The following TNFAIP3 variants were observed in gnomAD, a reference collection of about 807,000 sequenced individuals.
The protein encoded by TNFAIP3 is tumor necrosis factor alpha-induced protein 3.
TNFAIP3 carries 9 observed loss-of-function variants against 72.4 expected under a neutral mutation model. The observed-to-expected ratio is 0.12, with a 90% CI of 0.07 to 0.22. The LOEUF is 0.22. Ranked by LOEUF, TNFAIP3 falls within the 10% of genes least tolerant of loss-of-function variation. The pLI, the probability that TNFAIP3 is intolerant of heterozygous loss-of-function variation, is 1.00. For synonymous variants in TNFAIP3, 339 were observed against 372.6 expected, an observed-to-expected ratio of 0.91 and a Z score of 1.04; for missense variants, 833 against 1,018.7, an observed-to-expected ratio of 0.82 and a Z score of 2.48.
Position 137,880,286 on chromosome 6 carries a change from G to T in TNFAIP3, c.2088+34G>T, listed in dbSNP as rs1216187053. 2 of 1,610,790 alleles carry T rather than the reference G, an allele frequency of 1.2e-6. 1 individual carries two copies. Among genetic ancestry groups the T allele is most frequent in the Admixed American group, 3.3e-5 (2 of 59,936 alleles). On this transcript the variant is annotated intron_variant, in intron 8 of 8. Transcript: ENST00000612899. ...CTTGGAGGAGCTTTCCCTCCCTCCCGTGTGTTCGATGCTTTTTGCTGGAGC... is the reference window on the plus strand; with the variant it reads ...CTTGGAGGAGCTTTCCCTCCCTCCCTTGTGTTCGATGCTTTTTGCTGGAGC...
At position 137,881,363 on chromosome 6, in the gene TNFAIP3, G is replaced by A. The variant is rs1776457292; in HGVS notation, c.*44G>A. 6.6e-7 allele frequency: 1 copy of A among 1,507,810 alleles called. No individual in the cohort carries two copies. The highest frequency in any genetic ancestry group is 8.9e-7 in the Non-Finnish European group (1 of 1,123,042). 93.4% of individuals were successfully genotyped at this position (1,507,810 alleles called of 1,614,324 possible). A position where few individuals can be genotyped will look rare whatever the true frequency, so the allele number is the denominator to read the frequency against. ...CCTCCTGCAAGAAGTGGGGCCTCGA[G>A]CTGTCAGTCATCATGGTGCTATCCT... On this transcript the variant is annotated 3_prime_UTR_variant, in exon 9 of 9. Transcript: ENST00000612899. This position sits in a 1 kb window ranked among gnomAD's most constrained non-coding sequence, Gnocchi z 5.0.
In TNFAIP3 at chr6:137,880,261, C is replaced by T. The variant is rs758605580; in HGVS notation, c.2088+9C>T. Reference sequence around the variant, plus strand: ...GGACAGAAGAGCAACTGGTGAGACACTTGGAGGAGCTTTCCCTCCCTCCCG... The same window carrying T: ...GGACAGAAGAGCAACTGGTGAGACATTTGGAGGAGCTTTCCCTCCCTCCCG... On this transcript the variant is annotated intron_variant, in intron 8 of 8. Coordinates refer to ENST00000612899, the MANE Select transcript of TNFAIP3 (RefSeq NM_001270508.2). The T allele has an allele frequency of 1.2e-6, 2 of 1,613,924 alleles. No individual in the cohort carries two copies. The highest frequency in any genetic ancestry group is 1.1e-5 in the South Asian group (1 of 91,078).
intron 7 of TNFAIP3, among the ~76,000 whole-genome samples, chr6:137,879,752 T>C (rs1460904649): frequency 1.3e-5 from 2 of 152,222 alleles, no homozygotes; most frequent in Non-Finnish European, 2.9e-5. Flanking sequence ...CTGTTGACAC[T>C]GTAAGGAAAC....
Position 137,878,987 on chromosome 6 carries a change from G to A in TNFAIP3, c.1542G>A (p.Arg514=), listed in dbSNP as rs1433186763. Residue 514 remains arginine (R), a synonymous_variant, in exon 7 of 9, where the codon AGG becomes AGA. Coordinates refer to ENST00000612899, the MANE Select transcript of TNFAIP3 (RefSeq NM_001270508.2). ...LHASHAPDHT[R]HLDPGKCQAC... ...CCAGCCACGCCCCAGACCACACAAG[G>A]CACTTGGATCCCGGGAAGTGCCAAG... 6.8e-6 allele frequency: 11 copies of A among 1,614,198 alleles called. No individual in the cohort carries two copies. Among genetic ancestry groups the A allele is most frequent in the Non-Finnish European group, 9.3e-6 (11 of 1,180,038 alleles).
At chr6:137,874,340 G>T (rs1037957782) in intron 2 of TNFAIP3, among the ~76,000 whole-genome samples, 7 of 152,196 alleles carry the variant, frequency 4.6e-5, no homozygotes, top group Non-Finnish European at 8.8e-5. Flanking sequence ...ATTTGCCATT[G>T]AGTCATAGCC....
chr6:137,880,515 C>T (rs1776414178), intron 8 of TNFAIP3, among the ~76,000 whole-genome samples: 2 of 152,220 alleles, frequency 1.3e-5, no homozygotes, highest in South Asian at 4.1e-4. Context: ...CATAAAACTT[C>T]TTCAAGCCTC....
chr6:137,868,593 A>G lies in TNFAIP3; in HGVS notation c.-16+1051A>G, dbSNP rs5029927. ...CAAAAATGTCTGCCCAGAGTGGAAAAATAAAACAAGGGGGAGAAGAGTTTG... is the reference window on the plus strand; with the variant it reads ...CAAAAATGTCTGCCCAGAGTGGAAAGATAAAACAAGGGGGAGAAGAGTTTG... On this transcript the variant is annotated intron_variant, in intron 1 of 8. Coordinates refer to ENST00000612899, the MANE Select transcript of TNFAIP3 (RefSeq NM_001270508.2). Among the ~76,000 whole-genome samples the G allele has an allele frequency of 6.6e-3, 1,008 of 152,280 alleles. 12 individuals carry two copies. Among genetic ancestry groups the G allele is most frequent in the African/African-American group, 0.022 (928 of 41,550 alleles).
chr6:137,876,227 T>G, intron 5 of TNFAIP3, 61 bp downstream of exon 5: 1 of 1,422,466 alleles, frequency 7.0e-7, no homozygotes, highest in Non-Finnish European at 9.7e-7. Flanking sequence ...GGTTTTCCTT[T>G]TTGCTTCTTA....
rs376205580 is a variant in TNFAIP3, at chr6:137,874,871, A to G, written c.322A>G (p.Thr108Ala). Reference protein sequence around the residue: ...NGDGNCLMHATSQYMWGVQDT... With the variant: ...NGDGNCLMHAASQYMWGVQDT... The stretch of plus-strand genomic sequence containing the variant: ...TGACGGCAATTGCCTCATGCATGCC[A>G]CTTCTCAGTACATGTGGGGCGTTCA... Residue 108 changes from threonine to alanine, a missense_variant, in exon 3 of 9, where the codon ACT (threonine) becomes GCT (alanine). Physicochemically the swap from Thr to Ala is moderately conservative, Grantham distance 58. This residue lies in a region of TNFAIP3 where 246 missense variants were observed against 360.9 expected (regional missense o/e 0.68). Transcript: ENST00000612899. The G allele has an allele frequency of 1.3e-4, 210 of 1,613,970 alleles. 12 individuals carry two copies. The highest frequency in any genetic ancestry group is 5.8e-4 in the Admixed American group (35 of 59,992).
chr6:137,876,676 T>A (rs957566673), intron 5 of TNFAIP3, among the ~76,000 whole-genome samples: 1 of 152,226 alleles, frequency 6.6e-6, no homozygotes, highest in Non-Finnish European at 1.5e-5. Context: ...TGCATTTTTA[T>A]CCTTTTAGCA....
intron 1 of TNFAIP3, among the ~76,000 whole-genome samples, chr6:137,870,525 T>A (rs1324445742): frequency 6.6e-6 from 1 of 152,218 alleles, no homozygotes; most frequent in Admixed American, 6.5e-5. Flanking sequence ...GGAAATGGAC[T>A]TTTTTATTGA....
At position 137,881,971 on chromosome 6, in the gene TNFAIP3, A is replaced by G. The variant is rs1375196179; in HGVS notation, c.*652A>G. The G allele has an allele frequency of 3.5e-5, 8 of 231,614 alleles. No individual in the cohort carries two copies. The highest frequency in any genetic ancestry group is 6.8e-5 in the Non-Finnish European group (8 of 117,072). 14.3% of individuals were successfully genotyped at this position (231,614 alleles called of 1,614,324 possible). A position where few individuals can be genotyped will look rare whatever the true frequency, so the allele number is the denominator to read the frequency against. On this transcript the variant is annotated 3_prime_UTR_variant, in exon 9 of 9. Transcript: ENST00000612899. This position sits in a 1 kb window ranked among gnomAD's most constrained non-coding sequence, Gnocchi z 5.0. ...CTGAACATGTTCACATTGACAGAAAAACAAGCTGCTCTTTATAATATGCAC... is the reference window on the plus strand; with the variant it reads ...CTGAACATGTTCACATTGACAGAAAGACAAGCTGCTCTTTATAATATGCAC...
At chr6:137,872,746 T>A (rs192544860) in intron 2 of TNFAIP3, among the ~76,000 whole-genome samples, 2 of 152,236 alleles carry the variant, frequency 1.3e-5, no homozygotes, top group Admixed American at 1.3e-4. Flanking sequence ...TACTTAGAGG[T>A]AGGTAATTAT....
At position 137,881,288 on chromosome 6, in the gene TNFAIP3, A is replaced by G. The variant is rs1401816938; in HGVS notation, c.2342A>G (p.Glu781Gly). ...GCCAAGTGCAACGGCTACTGCAACG[A>G]ATGCTTTCAGTTCAAGCAGATGTAT... The part of the protein sequence containing the change: ...GNAKCNGYCN[E>G]CFQFKQMYG Residue 781 changes from glutamate (E) to glycine (G), a missense_variant, in exon 9 of 9, where the codon GAA becomes GGA. Physicochemically the swap from Glu to Gly is moderately conservative, Grantham distance 98. Coordinates refer to ENST00000612899, the MANE Select transcript of TNFAIP3 (RefSeq NM_001270508.2). This position sits in a 1 kb window ranked among gnomAD's most constrained non-coding sequence, Gnocchi z 5.0. 6.4e-7 allele frequency: 1 copy of G among 1,564,300 alleles called. No individual in the cohort carries two copies. Among genetic ancestry groups the G allele is most frequent in the Non-Finnish European group, 8.7e-7 (1 of 1,155,412 alleles).
intron 1 of TNFAIP3, among the ~76,000 whole-genome samples, chr6:137,869,605 C>G (rs957324488): frequency 6.6e-6 from 1 of 152,154 alleles, no homozygotes; most frequent in Non-Finnish European, 1.5e-5. Flanking sequence ...CACCAGAAAA[C>G]TCCTCAGGAG....
chr6:137,874,136 G>A (rs1328534736), intron 2 of TNFAIP3, among the ~76,000 whole-genome samples: 3 of 152,130 alleles, frequency 2.0e-5, no homozygotes, highest in African/African-American at 4.8e-5. Context: ...CCTAAACACT[G>A]AATTATTTTC....
At chr6:137,870,344 A>G (rs560469107) in intron 1 of TNFAIP3, among the ~76,000 whole-genome samples, 19 of 152,142 alleles carry the variant, frequency 1.2e-4, no homozygotes, top group Non-Finnish European at 1.5e-4. Flanking sequence ...GCTAGTCTCA[A>G]ACTCCTGAGC....
At position 137,878,528 on chromosome 6, in the gene TNFAIP3, G is replaced by T. The variant is rs1232874267; in HGVS notation, c.1083G>T (p.Glu361Asp). Residue 361 changes from glutamate (E) to aspartate (D), a missense_variant, in exon 7 of 9, where the codon GAG (glutamate) becomes GAT (aspartate). Transcript: ENST00000612899. ...HEYKKWQENS[E>D]QGRREGHAQN... is the part of the protein sequence containing the mutation. Reference sequence around the variant, plus strand: ...ACAAGAAATGGCAGGAAAACAGCGAGCAGGGGAGGAGAGAGGGGCACGCCC... The same window carrying T: ...ACAAGAAATGGCAGGAAAACAGCGATCAGGGGAGGAGAGAGGGGCACGCCC... The T allele has an allele frequency of 6.8e-6, 11 of 1,614,124 alleles. No individual in the cohort carries two copies. Among genetic ancestry groups the T allele is most frequent in the Non-Finnish European group, 9.3e-6 (11 of 1,180,046 alleles).
chr6:137,873,544 A>C (rs1776131219), intron 2 of TNFAIP3, among the ~76,000 whole-genome samples: 1 of 152,246 alleles, frequency 6.6e-6, no homozygotes, highest in South Asian at 2.1e-4. Flanking sequence ...ATTGCTAGTC[A>C]AATAACTTAG....
Sources: gnomAD v4.1 joint callset for allele counts (sites outside exome capture counted in the v4.1 genomes callset) on GRCh38, gnomAD v4.1.1 for gene constraint, gnomAD v4.1.1 regional missense constraint, Gnocchi (gnomAD v3.1) non-coding constraint, MANE v1.5 for transcripts, NCBI Gene and HGNC (gene_info 2026-07-23, HGNC 2026-07-21) for gene names.